Variants in ANKRD28 observed in about 807,000 individuals in gnomAD.
ANKRD28 encodes the protein ankyrin repeat domain 28.
ANKRD28 carries 44 observed loss-of-function variants against 126.5 expected under a neutral mutation model. That is an observed-to-expected ratio of 0.35 (90% CI 0.27 to 0.45). ANKRD28 has a LOEUF of 0.45. Ranked by LOEUF, ANKRD28 falls within the 20% of genes least tolerant of loss-of-function variation. ANKRD28 has a pLI of 1.00. For synonymous variants in ANKRD28, 442 were observed against 468.5 expected (o/e 0.94, Z 0.73); for missense variants, 1,110 against 1,316.6 (o/e 0.84, Z 2.43).
chr3:15,821,327 T>C (rs1342552939), intron 1 of ANKRD28, among the ~76,000 whole-genome samples: 13 of 152,226 alleles, frequency 8.5e-5, no homozygotes, highest in Non-Finnish European at 4.4e-5. Context: ...AACAGACAAA[T>C]GGTATTTTTC....
chr3:15,699,800 G>C (rs1233109475), intron 14 of ANKRD28, among the ~76,000 whole-genome samples: 1 of 152,222 alleles, frequency 6.6e-6, no homozygotes, highest in African/African-American at 2.4e-5. Flanking sequence ...GTGTAAATTA[G>C]TTCAACCATT....
chr3:15,718,935 T>C (rs1239525362), intron 8 of ANKRD28, among the ~76,000 whole-genome samples: 1 of 152,202 alleles, frequency 6.6e-6, no homozygotes, highest in East Asian at 1.9e-4. Flanking sequence ...CTCACAACTG[T>C]CTAGATATTT....
chr3:15,737,992 G>C (rs910155959), intron 4 of ANKRD28, among the ~76,000 whole-genome samples: 1 of 151,538 alleles, frequency 6.6e-6, no homozygotes. Context: ...ACTGTCCAAG[G>C]GATTTATCTC....
intron 18 of ANKRD28, among the ~76,000 whole-genome samples, chr3:15,686,707 C>G (rs1030785894): frequency 1.3e-5 from 2 of 152,190 alleles, no homozygotes; most frequent in African/African-American, 2.4e-5. Flanking sequence ...TTAAGGTGAG[C>G]AGCACAGGAA....
chr3:15,849,870 T>C (rs111676108), intron 1 of ANKRD28, among the ~76,000 whole-genome samples: 20 of 152,248 alleles, frequency 1.3e-4, no homozygotes, highest in African/African-American at 4.8e-4. Context: ...GGAAAACTTA[T>C]TAAATTTGTA....
intron 8 of ANKRD28, among the ~76,000 whole-genome samples, chr3:15,715,268 A>G (rs2072867382): frequency 6.6e-6 from 1 of 152,192 alleles, no homozygotes; most frequent in East Asian, 1.9e-4. Flanking sequence ...CTTTCAGTTA[A>G]CCAAAACATA....
intron 11 of ANKRD28, 65 bp downstream of exon 11, chr3:15,712,075 G>C: frequency 8.2e-7 from 1 of 1,226,298 alleles, no homozygotes; most frequent in Non-Finnish European, 1.2e-6. Context: ...AAGCAGGATA[G>C]AGACCATCTA....
intron 4 of ANKRD28, among the ~76,000 whole-genome samples, chr3:15,740,931 T>A (rs2075408674): frequency 6.6e-6 from 1 of 152,306 alleles, no homozygotes; most frequent in African/African-American, 2.4e-5. Context: ...CCTGGTGCGG[T>A]GGCTCACTTC....
chr3:15,670,043 G>T lies in ANKRD28; in HGVS notation c.*227C>A. The T allele has an allele frequency of 2.0e-6, 1 of 500,298 alleles. No individual in the cohort carries two copies. The allele number at this position is 500,298 out of a possible 1,614,324, so 31.0% of individuals were successfully genotyped here. A position where few individuals can be genotyped will look rare whatever the true frequency, so the allele number is the denominator to read the frequency against. ...ATTAAACAATTCCACAAAGAATTCTGACATCAATGTGTTTTCCTCAGTCAG... is the reference window on the plus strand; with the variant it reads ...ATTAAACAATTCCACAAAGAATTCTTACATCAATGTGTTTTCCTCAGTCAG... On this transcript the variant is annotated 3_prime_UTR_variant, in exon 28 of 28. Coordinates refer to ENST00000683139, the MANE Select transcript of ANKRD28 (RefSeq NM_001349278.2).
chr3:15,828,625 A>G (rs1436904082), intron 1 of ANKRD28, among the ~76,000 whole-genome samples: 5 of 130,998 alleles, frequency 3.8e-5, no homozygotes, highest in Non-Finnish European at 7.8e-5. Flanking sequence ...AATTCTTTCT[A>G]TAACACCAGC....
At chr3:15,798,696 G>C (rs1458223684), upstream of ANKRD28, among the ~76,000 whole-genome samples, 1 of 151,796 alleles carries the variant, frequency 6.6e-6, no homozygotes, top group Non-Finnish European at 1.5e-5. Context: ...AAGGGCACAG[G>C]GTAATACAAA....
At chr3:15,712,275 A>G (rs2072408831) in intron 10 of ANKRD28, 53 bp from the exon 11 acceptor site, 4 of 1,366,714 alleles carry the variant, frequency 2.9e-6, no homozygotes, top group African/African-American at 2.9e-5. Flanking sequence ...GAAAAATACA[A>G]TCAGTTAAAT....
At chr3:15,766,104 AAAAT>A in intron 3 of ANKRD28, 126 bp downstream of exon 3, 1 of 648,982 alleles carries the variant, frequency 1.5e-6, no homozygotes. Flanking sequence ...AATGAATATA[AAAAT>A]AAGTTTCAGC....
intron 3 of ANKRD28, among the ~76,000 whole-genome samples, chr3:15,754,835 G>C (rs1006441387): frequency 1.3e-5 from 2 of 152,178 alleles, no homozygotes; most frequent in Non-Finnish European, 2.9e-5. Context: ...TGTATATATC[G>C]GCCGGGTGCA....
At chr3:15,844,962 T>C (rs1199827694) in intron 1 of ANKRD28, among the ~76,000 whole-genome samples, 1 of 152,104 alleles carries the variant, frequency 6.6e-6, no homozygotes, top group Non-Finnish European at 1.5e-5. Context: ...TCAGGAAACT[T>C]ATAATCATGG....
intron 3 of ANKRD28, among the ~76,000 whole-genome samples, chr3:15,754,854 C>T (rs1263337787): frequency 5.3e-5 from 8 of 152,114 alleles, no homozygotes; most frequent in Admixed American, 1.3e-4. Flanking sequence ...CAGTGGCTCA[C>T]GCCTGTAATC....
chr3:15,695,093 C>G (rs757155029), intron 16 of ANKRD28, 95 bp downstream of exon 16: 245 of 1,032,728 alleles, frequency 2.4e-4, no homozygotes, highest in Non-Finnish European at 3.3e-4. Flanking sequence ...TATGTAAAAA[C>G]ACTTTCAGCT....
At chr3:15,709,613 C>T in intron 13 of ANKRD28, 55 bp downstream of exon 13, 2 of 1,235,572 alleles carry the variant, frequency 1.6e-6, no homozygotes, top group Non-Finnish European at 2.3e-6. Context: ...GTTAGAAGGT[C>T]AATCAAGTTA....
chr3:15,795,123 T>TA (rs1159075430), intron 2 of ANKRD28, 100 bp downstream of exon 2: 7 of 838,914 alleles, frequency 8.3e-6, no homozygotes, highest in Non-Finnish European at 1.4e-5. Flanking sequence ...AAACAACTGT[T>TA]ACAGAGTTAT....
Sources: allele counts gnomAD v4.1 joint callset (sites outside exome capture counted in the v4.1 genomes callset), GRCh38; gene constraint gnomAD v4.1.1; transcripts MANE v1.5; gene names NCBI Gene and HGNC (gene_info 2026-07-23, HGNC 2026-07-21).